The following C2CD5 variants were observed in gnomAD, a reference collection of about 807,000 sequenced individuals.
C2CD5 encodes the protein C2 calcium dependent domain containing 5, also known as C2 domain-containing protein 5.
C2CD5 carries 109 observed loss-of-function variants against 130.3 expected under a neutral mutation model. That is an observed-to-expected ratio of 0.84 (90% CI 0.72 to 0.98). The LOEUF (loss-of-function observed/expected upper bound fraction) is 0.98. Ranked by LOEUF, C2CD5 falls within the 50% of genes least tolerant of loss-of-function variation. The pLI is 0.00. For missense variants in C2CD5, 996 were observed against 1,261.8 expected, an observed-to-expected ratio of 0.79 and a Z score of 3.19; for synonymous variants, 454 against 429.2, an observed-to-expected ratio of 1.06 and a Z score of -0.71.
At chr12:22,508,005 G>C (rs936272677) in intron 9 of C2CD5, among the ~76,000 whole-genome samples, 1 of 152,040 alleles carries the variant, frequency 6.6e-6, no homozygotes, top group African/African-American at 2.4e-5. Context: ...ATAAAAGCTG[G>C]TAAAGAGATA....
chr12:22,519,017 T>C (rs936909043), intron 7 of C2CD5: 6 of 1,052,518 alleles, frequency 5.7e-6, no homozygotes, highest in East Asian at 5.6e-5. Context: ...GAAGCAAAGA[T>C]TTATGGTACC....
intron 26 of C2CD5, among the ~76,000 whole-genome samples, chr12:22,450,167 C>CA (rs529638915): frequency 6.6e-6 from 1 of 151,708 alleles, no homozygotes; most frequent in Non-Finnish European, 1.5e-5. Context: ...TATATACTGG[C>CA]AAAAAAATGT....
chr12:22,500,393 C>T (rs1482954366), intron 10 of C2CD5, among the ~76,000 whole-genome samples: 1 of 152,170 alleles, frequency 6.6e-6, no homozygotes, highest in African/African-American at 2.4e-5. Context: ...TTGAGAACCA[C>T]ACTCAAAGTA....
chr12:22,504,057 C>T (rs1267288056), intron 10 of C2CD5, among the ~76,000 whole-genome samples: 2 of 152,040 alleles, frequency 1.3e-5, no homozygotes, highest in Non-Finnish European at 2.9e-5. Flanking sequence ...ATACACAAAA[C>T]ACATTCTGTA....
intron 3 of C2CD5, among the ~76,000 whole-genome samples, chr12:22,531,801 T>A (rs1951302377): frequency 6.6e-6 from 1 of 152,246 alleles, no homozygotes; most frequent in Non-Finnish European, 1.5e-5. Flanking sequence ...AAATAAAAGC[T>A]GTCACTGTCC....
chr12:22,531,901 AT>A (rs951324510), intron 3 of C2CD5, among the ~76,000 whole-genome samples: 3 of 152,190 alleles, frequency 2.0e-5, no homozygotes, highest in African/African-American at 2.4e-5. Flanking sequence ...CTGCAGTTCT[AT>A]TTTTTTAGCA....
intron 25 of C2CD5, among the ~76,000 whole-genome samples, chr12:22,455,552 G>A (rs866383765): frequency 3.9e-5 from 6 of 152,062 alleles, no homozygotes; most frequent in Non-Finnish European, 7.4e-5. Context: ...CCAGCTTTTC[G>A]CACCAAATCT....
chr12:22,488,357 T>A lies in C2CD5; in HGVS notation c.1358+1766A>T, dbSNP rs113736167. Among the ~76,000 whole-genome samples the A allele has an allele frequency of 9.6e-3, 1,463 of 151,982 alleles. 33 individuals are homozygous for A. The highest frequency in any genetic ancestry group is 0.033 in the African/African-American group (1,387 of 41,488). On this transcript the variant is annotated intron_variant, in intron 12 of 26. Coordinates refer to ENST00000446597, the MANE Select transcript of C2CD5 (RefSeq NM_001286176.2). The stretch of plus-strand genomic sequence containing the variant: ...GATGGCAATCTAGCATCATTTGATA[T>A]AGGAACTCTCCAAATTTTTTCTAAT...
At chr12:22,532,196 G>A (rs962939094) in intron 3 of C2CD5, among the ~76,000 whole-genome samples, 1 of 151,982 alleles carries the variant, frequency 6.6e-6, no homozygotes, top group African/African-American at 2.4e-5. Flanking sequence ...CAGGTGTGGT[G>A]GCGCATGACT....
intron 25 of C2CD5, among the ~76,000 whole-genome samples, chr12:22,455,904 C>T (rs1302544080): frequency 1.3e-5 from 2 of 152,080 alleles, no homozygotes; most frequent in African/African-American, 4.8e-5. Context: ...AGGCTGGTCT[C>T]AAACTGCTGG....
intron 12 of C2CD5, among the ~76,000 whole-genome samples, chr12:22,489,821 C>A (rs973462329): frequency 1.3e-5 from 2 of 151,890 alleles, no homozygotes; most frequent in Non-Finnish European, 2.9e-5. Context: ...AGAGAAAGAT[C>A]CAAAGATTAT....
chr12:22,459,816 T>C (rs1940733956), intron 22 of C2CD5, among the ~76,000 whole-genome samples: 1 of 152,064 alleles, frequency 6.6e-6, no homozygotes, highest in Non-Finnish European at 1.5e-5. Flanking sequence ...CACAAGAAAA[T>C]ATAAACATAG....
At chr12:22,482,461 T>C in intron 14 of C2CD5, 96 bp downstream of exon 14, 5 of 1,020,214 alleles carry the variant, frequency 4.9e-6, no homozygotes, top group Non-Finnish European at 7.3e-6. Context: ...TCAAAGTCTT[T>C]AGATAAGCCT....
chr12:22,524,326 G>C (rs1950550269), intron 6 of C2CD5, 146 bp downstream of exon 6: 5 of 648,262 alleles, frequency 7.7e-6, no homozygotes, highest in South Asian at 7.7e-5. Context: ...ATGCAAGTGT[G>C]TTCAGGAAGA....
chr12:22,469,891 G>T (rs2136156540), intron 21 of C2CD5, 96 bp from the exon 22 acceptor site: 3 of 626,616 alleles, frequency 4.8e-6, no homozygotes, highest in Non-Finnish European at 7.7e-6. Context: ...CATATTCTCA[G>T]CTCCATCTCC....
In C2CD5 at chr12:22,515,791, G is replaced by A. The variant is rs117452840; in HGVS notation, c.952+2195C>T. Reference sequence around the variant, plus strand: ...TAGTATTATTTGCATTTACAGAGACGTGAGTACCCTAAGGGTCAAATACCC... The same window carrying A: ...TAGTATTATTTGCATTTACAGAGACATGAGTACCCTAAGGGTCAAATACCC... On this transcript the variant is annotated intron_variant, in intron 8 of 26. Transcript: ENST00000446597. 4.5e-3 allele frequency among the ~76,000 whole-genome samples: 690 copies of A among 151,842 alleles called. 12 individuals carry two copies. The East Asian group carries it at 0.05, about 11-fold the overall frequency.
intron 10 of C2CD5, among the ~76,000 whole-genome samples, chr12:22,494,625 C>T (rs1247497375): frequency 2.0e-5 from 3 of 151,834 alleles, no homozygotes; most frequent in Non-Finnish European, 2.9e-5. Flanking sequence ...GTTTTGGTTC[C>T]AAGACAAAGC....
intron 2 of C2CD5, among the ~76,000 whole-genome samples, 178 bp from the exon 3 acceptor site, chr12:22,535,522 T>C (rs924585149): frequency 8.5e-5 from 13 of 152,078 alleles, no homozygotes; most frequent in Admixed American, 2.0e-4. Context: ...CTAATAATAA[T>C]ACCCACAACA....
Position 22,544,502 on chromosome 12 carries a change from CA to C in C2CD5, c.-213del. ...CTGCTTGTCTCTCCTCCCCCGCTCT[CA>C]AAAATGGCGGCTCTCGGGGCGCGGA... On this transcript the variant is annotated 5_prime_UTR_variant, in exon 1 of 27. An upstream open reading frame in the 5' UTR gains an earlier in-frame stop. Transcript: ENST00000446597. 5.3e-6 allele frequency: 1 copy of C among 187,738 alleles called. No homozygotes were observed. Among genetic ancestry groups the C allele is most frequent in the Non-Finnish European group, 1.1e-5 (1 of 91,430 alleles). 11.6% of individuals were successfully genotyped at this position (187,738 alleles called of 1,614,324 possible). A position where few individuals can be genotyped will look rare whatever the true frequency, so the allele number is the denominator to read the frequency against.
Sources: allele counts gnomAD v4.1 joint callset (sites outside exome capture counted in the v4.1 genomes callset), GRCh38; gene constraint gnomAD v4.1.1; transcripts MANE v1.5; gene names NCBI Gene and HGNC (gene_info 2026-07-23, HGNC 2026-07-21).